ZNF316: variants seen among roughly 807,000 people sequenced by gnomAD.
ZNF316 encodes the protein zinc finger protein 316.
Under a neutral mutation model 75.6 loss-of-function variants are expected in ZNF316, and 23 were observed. The observed-to-expected ratio is 0.30, with a 90% CI of 0.22 to 0.43. ZNF316 has a LOEUF of 0.43. Among genes scored for constraint, ZNF316 ranks in the 20% least tolerant of loss-of-function variants. The probability of loss-of-function intolerance (pLI) is 1.00; values close to 1 mark genes in which losing one functional copy is unlikely to be tolerated. For missense variants in ZNF316, 1,266 were observed against 1,409.4 expected (o/e 0.90, Z 1.63); for synonymous variants, 827 against 666.2 (o/e 1.24, Z -3.72).
chr7:6,654,387 C>T lies in ZNF316; in HGVS notation c.2791C>T (p.Leu931Phe). Reference sequence around the variant, plus strand: ...CCGCTTCTCGCAGAGCTCGCACTTGCTCACCCACATGAAGACGCACCGCGG... The same window carrying T: ...CCGCTTCTCGCAGAGCTCGCACTTGTTCACCCACATGAAGACGCACCGCGG... ...GRRFSQSSHL[L>F]THMKTHRGAT... Residue 931 changes from leucine to phenylalanine, a missense_variant, in exon 9 of 9, where the codon CTC becomes TTC. Physicochemically the swap from Leu to Phe is conservative, Grantham distance 22. Coordinates refer to ENST00000382252, the MANE Select transcript of ZNF316 (RefSeq NM_001278559.2). 2 of 1,217,636 alleles carry T rather than the reference C, an allele frequency of 1.6e-6. No individual in the cohort carries two copies. The highest frequency in any genetic ancestry group is 2.0e-6 in the Non-Finnish European group (2 of 978,912). 75.4% of individuals were successfully genotyped at this position (1,217,636 alleles called of 1,614,324 possible). A position where few individuals can be genotyped will look rare whatever the true frequency, so the allele number is the denominator to read the frequency against.
rs1470742192 is a variant in ZNF316, at chr7:6,655,146, AGGGG to A, written c.*536_*539del. 1.3e-5 allele frequency: 2 copies of A among 152,166 alleles called. No individual in the cohort carries two copies. Among genetic ancestry groups the A allele is most frequent in the African/African-American group, 4.8e-5 (2 of 41,428 alleles). 9.4% of individuals were successfully genotyped at this position (152,166 alleles called of 1,614,324 possible). ...CCCGAAGGTTTAACTGCGCGCGGCGAGGGGAGGCCTTGTAGGTTTCCAAAGGGCG... is the reference window on the plus strand; with the variant it reads ...CCCGAAGGTTTAACTGCGCGCGGCGAAGGCCTTGTAGGTTTCCAAAGGGCG... On this transcript the variant is annotated 3_prime_UTR_variant, in exon 9 of 9. Coordinates refer to ENST00000382252, the MANE Select transcript of ZNF316 (RefSeq NM_001278559.2).
Position 6,654,020 on chromosome 7 carries a change from C to T in ZNF316, c.2424C>T (p.Cys808=), listed in dbSNP as rs1316850111. 167 of 1,191,140 alleles carry T rather than the reference C, an allele frequency of 1.4e-4. 1 individual carries two copies. The East Asian group carries it at 5.5e-3, about 39-fold the overall frequency. 73.8% of individuals were successfully genotyped at this position (1,191,140 alleles called of 1,614,324 possible). The change falls in exon 9 of 9, where the codon TGC becomes TGT. Residue 808 remains cysteine (C), a synonymous_variant. Transcript: ENST00000382252. The part of the protein sequence containing the change: ...TGERPYACGE[C]GRRFGQSAAL... ...AGCGGCCTTACGCGTGTGGAGAGTG[C>T]GGCCGGCGCTTCGGGCAGAGCGCGG...
chr7:6,651,219 C>T (rs554593968), intron 8 of ZNF316, among the ~76,000 whole-genome samples: 6 of 151,874 alleles, frequency 4.0e-5, no homozygotes, highest in African/African-American at 1.2e-4. Flanking sequence ...ATCATCTGGG[C>T]GCACGCCTGT....
intron 8 of ZNF316, among the ~76,000 whole-genome samples, chr7:6,648,256 A>C (rs1046005720): frequency 2.0e-5 from 3 of 152,138 alleles, no homozygotes; most frequent in Non-Finnish European, 4.4e-5. Context: ...TCCAGGAGGC[A>C]GCCTGCCCCC....
chr7:6,647,017 C>T (rs764779858), intron 8 of ZNF316, among the ~76,000 whole-genome samples: 5 of 152,200 alleles, frequency 3.3e-5, no homozygotes, highest in South Asian at 2.1e-4. Flanking sequence ...CTTAGATCCC[C>T]GCCCTGGTTG....
At chr7:6,652,096 C>T (rs924485743) in intron 8 of ZNF316, among the ~76,000 whole-genome samples, 3 of 152,258 alleles carry the variant, frequency 2.0e-5, no homozygotes, top group South Asian at 4.1e-4. Flanking sequence ...TAGCTGGGGG[C>T]GGCGGCTTTC....
rs1460233125 is a variant in ZNF316, at chr7:6,640,955, TGTGA to T, written c.-166-865_-166-862del. On this transcript the variant is annotated intron_variant, in intron 3 of 8. Coordinates refer to ENST00000382252, the MANE Select transcript of ZNF316 (RefSeq NM_001278559.2). The surrounding 1 kb of genome is among the most constrained non-coding windows in gnomAD (Gnocchi z 5.1). ...GCCATGTTGGTGCAGCCTGTTGAAC[TGTGA>T]GTGAATGAAACCTTTTTTCTTTGCC... Among the ~76,000 whole-genome samples the T allele has an allele frequency of 6.6e-6, 1 of 152,236 alleles. No individual in the cohort carries two copies. The highest frequency in any genetic ancestry group is 2.4e-5 in the African/African-American group (1 of 41,464).
intron 8 of ZNF316, among the ~76,000 whole-genome samples, chr7:6,646,910 T>C (rs1394442440): frequency 1.3e-5 from 2 of 152,122 alleles, no homozygotes; most frequent in African/African-American, 2.4e-5. Context: ...GGCACTGCCC[T>C]GATCAGGACC....
rs1483284219 is a variant in ZNF316 at position 6,637,714 on chromosome 7, G to A, written c.-430-132G>A. Reference sequence around the variant, plus strand: ...CCGGGGCCGGTCCGGGCAGGAGGCGGAGGGGGCAGGCCCGGGAGGCCACGC... The same window carrying A: ...CCGGGGCCGGTCCGGGCAGGAGGCGAAGGGGGCAGGCCCGGGAGGCCACGC... On this transcript the variant is annotated intron_variant, in intron 1 of 8. Transcript: ENST00000382252. The surrounding 1 kb of genome is among the most constrained non-coding windows in gnomAD (Gnocchi z 6.2). 1 of 151,734 alleles carries A rather than the reference G, an allele frequency of 6.6e-6. No homozygotes were observed. Among genetic ancestry groups the A allele is most frequent in the African/African-American group, 2.4e-5 (1 of 41,386 alleles). 9.4% of individuals were successfully genotyped at this position (151,734 alleles called of 1,614,324 possible). A position where few individuals can be genotyped will look rare whatever the true frequency, so the allele number is the denominator to read the frequency against.
Position 6,658,091 on chromosome 7 carries a change from CCTTT to C in ZNF316, c.*3483_*3486del, listed in dbSNP as rs1359305137. Among the ~76,000 whole-genome samples, 1 of 152,102 alleles carries C rather than the reference CCTTT, an allele frequency of 6.6e-6. No individual in the cohort carries two copies. The highest frequency in any genetic ancestry group is 6.6e-5 in the Admixed American group (1 of 15,262). ...TCCCCTCCATCTACCTTTGTTATTT[CCTTT>C]CTCTTTTGCCGGTTTCCCCAACCTC... On this transcript the variant is annotated 3_prime_UTR_variant, in exon 9 of 9. Coordinates refer to ENST00000382252, the MANE Select transcript of ZNF316 (RefSeq NM_001278559.2).
chr7:6,652,914 C>T lies in ZNF316; in HGVS notation c.1318C>T (p.Arg440Cys). ...RCAFCGAGFG[R>C]RSYLVTHQRT... ...CGCCTTCTGCGGCGCGGGCTTCGGG[C>T]GCCGCTCCTACCTGGTCACGCACCA... Residue 440 changes from arginine (R) to cysteine (C), a missense_variant, in exon 9 of 9, where the codon CGC becomes TGC. By Grantham distance (180) the Arg-to-Cys change is radical (BLOSUM62 -3). This residue lies in a region of ZNF316 where 961 missense variants were observed against 990.9 expected (regional missense o/e 0.97). Coordinates refer to ENST00000382252, the MANE Select transcript of ZNF316 (RefSeq NM_001278559.2). 2 of 1,239,708 alleles carry T rather than the reference C, an allele frequency of 1.6e-6. No homozygotes were observed. Among genetic ancestry groups the T allele is most frequent in the Non-Finnish European group, 2.0e-6 (2 of 991,510 alleles). 76.8% of individuals were successfully genotyped at this position (1,239,708 alleles called of 1,614,324 possible). A position where few individuals can be genotyped will look rare whatever the true frequency, so the allele number is the denominator to read the frequency against.
At chr7:6,638,459 G>A (rs971318661) in intron 2 of ZNF316, among the ~76,000 whole-genome samples, 1 of 152,204 alleles carries the variant, frequency 6.6e-6, no homozygotes, top group Non-Finnish European at 1.5e-5. Context: ...CACATCTCCC[G>A]CTCTCTGAGT....
At position 6,644,473 on chromosome 7, in the gene ZNF316, C is replaced by T; in HGVS notation, c.593-7C>T. The T allele has an allele frequency of 2.4e-6, 3 of 1,231,188 alleles. No individual in the cohort carries two copies. Among genetic ancestry groups the T allele is most frequent in the Non-Finnish European group, 2.0e-6 (2 of 987,382 alleles). The allele number at this position is 1,231,188 out of a possible 1,614,324, so 76.3% of individuals were successfully genotyped here. On this transcript the variant is annotated splice_polypyrimidine_tract_variant and splice_region_variant and intron_variant, in intron 7 of 8. Transcript: ENST00000382252. ...CCGCCTGCAGCCGCCGTCTGTTCTC[C>T]TGGCAGGATACCCAATTCCCAAGCC... is the stretch of plus-strand genomic sequence containing the variant.
chr7:6,647,961 C>T (rs1432138402), intron 8 of ZNF316, among the ~76,000 whole-genome samples: 1 of 152,202 alleles, frequency 6.6e-6, no homozygotes, highest in Non-Finnish European at 1.5e-5. Flanking sequence ...AGGGCACTTA[C>T]CAGACTGTTC....
chr7:6,653,778 T>C lies in ZNF316; in HGVS notation c.2182T>C (p.Phe728Leu). Residue 728 changes from phenylalanine to leucine, a missense_variant, in exon 9 of 9, where the codon TTC becomes CTC. Physicochemically the swap from Phe to Leu is conservative, Grantham distance 22. Coordinates refer to ENST00000382252, the MANE Select transcript of ZNF316 (RefSeq NM_001278559.2). ...PHRCADCGKSFVYGSHLARHR... is the reference protein window; with the variant it reads ...PHRCADCGKSLVYGSHLARHR... ...TCGCTGCGCCGACTGCGGCAAGAGC[T>C]TCGTGTACGGCTCGCACCTGGCGCG... 1 of 1,087,132 alleles carries C rather than the reference T, an allele frequency of 9.2e-7. No homozygotes were observed. Among genetic ancestry groups the C allele is most frequent in the Non-Finnish European group, 1.1e-6 (1 of 893,476 alleles). The allele number at this position is 1,087,132 out of a possible 1,614,324, so 67.3% of individuals were successfully genotyped here.
In ZNF316 at chr7:6,652,562, G is replaced by A; in HGVS notation, c.966G>A (p.Pro322=). The A allele has an allele frequency of 1.6e-6, 2 of 1,230,986 alleles. No individual in the cohort carries two copies. The highest frequency in any genetic ancestry group is 4.1e-5 in the South Asian group (1 of 24,344). The allele number at this position is 1,230,986 out of a possible 1,614,324, so 76.3% of individuals were successfully genotyped here. The change falls in exon 9 of 9, where the codon CCG becomes CCA. Residue 322 remains proline (P), a synonymous_variant. Coordinates refer to ENST00000382252, the MANE Select transcript of ZNF316 (RefSeq NM_001278559.2). The part of the protein sequence containing the change: ...EAKPFLPGRE[P]GANLLSPWAF... ...AGCCTTTCCTGCCCGGCCGGGAGCC[G>A]GGTGCGAACCTGCTGTCGCCCTGGG...
chr7:6,647,902 G>C (rs926845386), intron 8 of ZNF316, among the ~76,000 whole-genome samples: 1 of 152,192 alleles, frequency 6.6e-6, no homozygotes, highest in Non-Finnish European at 1.5e-5. Context: ...CTTCCCCACA[G>C]CCGCTGTGAT....
rs1347232086 is a variant in ZNF316 at position 6,653,814 on chromosome 7, A to G, written c.2218A>G (p.Thr740Ala). Residue 740 changes from threonine to alanine, a missense_variant, in exon 9 of 9, where the codon ACA becomes GCA. By Grantham distance (58) the Thr-to-Ala change is moderately conservative. This residue lies in a region of ZNF316 where 194 missense variants were observed against 319.2 expected (regional missense o/e 0.61). Transcript: ENST00000382252. Reference sequence around the variant, plus strand: ...CTCGCACCTGGCGCGCCACCGGCGCACACACACCGGCGAGCGGCCCTTCCC... The same window carrying G: ...CTCGCACCTGGCGCGCCACCGGCGCGCACACACCGGCGAGCGGCCCTTCCC... ...YGSHLARHRR[T>A]HTGERPFPCP... 1.1e-5 allele frequency: 12 copies of G among 1,078,980 alleles called. No homozygotes were observed. The highest frequency in any genetic ancestry group is 1.4e-5 in the Non-Finnish European group (12 of 888,000). The allele number at this position is 1,078,980 out of a possible 1,614,324, so 66.8% of individuals were successfully genotyped here.
rs1004349251 is a variant in ZNF316 at position 6,640,033 on chromosome 7, A to G, written c.-167+892A>G. ...TGAAACTAGAAAGGGGGCTGGAGCC[A>G]GTCAGGGGGCACGTGTGACCTTCGG... On this transcript the variant is annotated intron_variant, in intron 3 of 8. Coordinates refer to ENST00000382252, the MANE Select transcript of ZNF316 (RefSeq NM_001278559.2). This position sits in a 1 kb window ranked among gnomAD's most constrained non-coding sequence, Gnocchi z 5.1. Among the ~76,000 whole-genome samples, 7 of 152,166 alleles carry G rather than the reference A, an allele frequency of 4.6e-5. No individual in the cohort carries two copies. Among genetic ancestry groups the G allele is most frequent in the African/African-American group, 1.7e-4 (7 of 41,440 alleles).
Sources: allele counts gnomAD v4.1 joint callset (sites outside exome capture counted in the v4.1 genomes callset), GRCh38; gene constraint gnomAD v4.1.1; regional missense constraint gnomAD v4.1.1; non-coding constraint Gnocchi (gnomAD v3.1); transcripts MANE v1.5; gene names NCBI Gene and HGNC (gene_info 2026-07-23, HGNC 2026-07-21).